The following LYPD6B variants were observed in gnomAD, a reference collection of about 807,000 sequenced individuals.
LYPD6B encodes the protein LY6/PLAUR domain containing 6B, also known as ly6/PLAUR domain-containing protein 6B.
A neutral mutation model predicts 22.8 loss-of-function variants in LYPD6B; 17 were observed. That is an observed-to-expected ratio of 0.75 (90% CI 0.51 to 1.12). The LOEUF is 1.12. LYPD6B is among the 50% of genes most tolerant of loss of function. The pLI is 0.00. For missense variants in LYPD6B, 221 were observed against 258.3 expected, an observed-to-expected ratio of 0.86 and a Z score of 0.99; for synonymous variants, 106 against 91.6, an observed-to-expected ratio of 1.16 and a Z score of -0.90.
chr2:149,043,346 A>G (rs1366464636), intron 1 of LYPD6B, among the ~76,000 whole-genome samples: 2 of 152,170 alleles, frequency 1.3e-5, no homozygotes, highest in South Asian at 4.1e-4. Context: ...TAACAGATCA[A>G]AAGTCCAATT....
intron 3 of LYPD6B, among the ~76,000 whole-genome samples, chr2:149,163,959 A>C (rs115754746): frequency 1.8e-3 from 273 of 152,328 alleles, no homozygotes; most frequent in African/African-American, 6.3e-3. Context: ...GAGCTCATAT[A>C]TTCTCTTCGT....
intron 1 of LYPD6B, among the ~76,000 whole-genome samples, chr2:149,069,863 G>C (rs866823107): frequency 2.6e-4 from 39 of 151,598 alleles, no homozygotes; most frequent in Non-Finnish European, 2.2e-4. Context: ...ATTAATAGAA[G>C]CTTAAGAGCT....
At chr2:149,079,999 C>A (rs1685052701) in intron 1 of LYPD6B, among the ~76,000 whole-genome samples, 1 of 152,190 alleles carries the variant, frequency 6.6e-6, no homozygotes, top group Non-Finnish European at 1.5e-5. Flanking sequence ...AAGGATAGCA[C>A]CGCTTTGTTT....
intron 1 of LYPD6B, among the ~76,000 whole-genome samples, chr2:149,114,424 A>G (rs556908167): frequency 7.2e-5 from 11 of 152,318 alleles, no homozygotes; most frequent in South Asian, 6.2e-4. Flanking sequence ...CCCTAAAACC[A>G]TATCAAGACC....
At chr2:149,200,377 C>G (rs1693072708) in intron 3 of LYPD6B, among the ~76,000 whole-genome samples, 2 of 152,010 alleles carry the variant, frequency 1.3e-5, no homozygotes, top group Non-Finnish European at 1.5e-5. Context: ...CTTTGGACAC[C>G]CTGCCAATTC....
At chr2:149,110,365 A>G (rs986533633) in intron 1 of LYPD6B, among the ~76,000 whole-genome samples, 1 of 151,976 alleles carries the variant, frequency 6.6e-6, no homozygotes, top group South Asian at 2.1e-4. Context: ...TATCATGCCT[A>G]CTAATCTTTG....
intron 1 of LYPD6B, among the ~76,000 whole-genome samples, chr2:149,124,699 G>A (rs1687584578): frequency 6.6e-6 from 1 of 152,198 alleles, no homozygotes; most frequent in Non-Finnish European, 1.5e-5. Context: ...TTTGGAACTG[G>A]CACTTAAATG....
At chr2:149,116,565 C>G (rs1368779076) in intron 1 of LYPD6B, among the ~76,000 whole-genome samples, 2 of 152,114 alleles carry the variant, frequency 1.3e-5, no homozygotes, top group Non-Finnish European at 2.9e-5. Context: ...TGAATCTGAC[C>G]ACTTTGACCC....
chr2:149,047,040 C>T (rs1226539198), intron 1 of LYPD6B, among the ~76,000 whole-genome samples: 2 of 152,134 alleles, frequency 1.3e-5, no homozygotes, highest in Non-Finnish European at 2.9e-5. Context: ...CTAGGTTTGG[C>T]TTGTAGGTTA....
At chr2:149,097,408 A>G (rs913869966) in intron 1 of LYPD6B, among the ~76,000 whole-genome samples, 1 of 152,252 alleles carries the variant, frequency 6.6e-6, no homozygotes, top group Non-Finnish European at 1.5e-5. Flanking sequence ...GGGTTGCCAG[A>G]TAAATGCCAG....
Position 149,096,689 on chromosome 2 carries a change from A to G in LYPD6B, c.-66-34194A>G, listed in dbSNP as rs528193130. ...ACCTCTGAATATCCCTGGGTGGTTGATTTTTTTTCTCTTCTTAGTTGTCTT... is the reference window on the plus strand; with the variant it reads ...ACCTCTGAATATCCCTGGGTGGTTGGTTTTTTTTCTCTTCTTAGTTGTCTT... On this transcript the variant is annotated intron_variant, in intron 1 of 6. Transcript: ENST00000409642. Among the ~76,000 whole-genome samples the G allele has an allele frequency of 2.0e-5, 3 of 151,980 alleles. No homozygotes were observed. The South Asian group carries it at 6.2e-4, about 32-fold the overall frequency.
At chr2:149,074,912 C>T (rs1219849074) in intron 1 of LYPD6B, among the ~76,000 whole-genome samples, 1 of 152,162 alleles carries the variant, frequency 6.6e-6, no homozygotes, top group Admixed American at 6.5e-5. Flanking sequence ...TTTCCTCCTC[C>T]AGGCAGCTAG....
intron 3 of LYPD6B, among the ~76,000 whole-genome samples, chr2:149,171,383 A>G (rs1690807650): frequency 6.6e-6 from 1 of 152,056 alleles, no homozygotes; most frequent in Admixed American, 6.5e-5. Context: ...ATATTTTATT[A>G]CCTTTTGTGT....
chr2:149,178,937 A>G (rs1427995004), intron 3 of LYPD6B, among the ~76,000 whole-genome samples: 1 of 152,232 alleles, frequency 6.6e-6, no homozygotes, highest in African/African-American at 2.4e-5. Flanking sequence ...ATAAAAGTAT[A>G]TATCAATTTT....
intron 1 of LYPD6B, among the ~76,000 whole-genome samples, chr2:149,065,344 G>A (rs1006932096): frequency 4.6e-5 from 7 of 152,206 alleles, no homozygotes; most frequent in Non-Finnish European, 1.0e-4. Context: ...GCTGTAACAA[G>A]CTCGTTAGTC....
At chr2:149,120,815 C>G in intron 1 of LYPD6B, among the ~76,000 whole-genome samples, 1 of 105,706 alleles carries the variant, frequency 9.5e-6, no homozygotes, top group Non-Finnish European at 1.7e-5. Context: ...TGTGAGACAG[C>G]GTCTTGCTCT....
intron 3 of LYPD6B, among the ~76,000 whole-genome samples, chr2:149,192,294 G>A (rs774367397): frequency 4.6e-5 from 7 of 152,072 alleles, no homozygotes; most frequent in Non-Finnish European, 7.4e-5. Flanking sequence ...TATTTTTGTC[G>A]GGAAGAAACT....
At chr2:149,128,308 A>G (rs557918238) in intron 1 of LYPD6B, among the ~76,000 whole-genome samples, 1 of 152,220 alleles carries the variant, frequency 6.6e-6, no homozygotes, top group Admixed American at 6.5e-5. Flanking sequence ...GGGATGTTCC[A>G]TCAAATAGCA....
intron 1 of LYPD6B, among the ~76,000 whole-genome samples, chr2:149,107,073 ATAAC>A (rs764728940): frequency 2.2e-4 from 33 of 152,334 alleles, no homozygotes; most frequent in Non-Finnish European, 4.0e-4. Flanking sequence ...ATTAACAACA[ATAAC>A]TAATAATAGA....
Sources: gnomAD v4.1 joint callset for allele counts (sites outside exome capture counted in the v4.1 genomes callset) on GRCh38, gnomAD v4.1.1 for gene constraint, MANE v1.5 for transcripts, NCBI Gene and HGNC (gene_info 2026-07-23, HGNC 2026-07-21) for gene names.